EEPD1: variants seen among roughly 807,000 people sequenced by gnomAD.
EEPD1 encodes endonuclease/exonuclease/phosphatase family domain containing 1, also known as endonuclease/exonuclease/phosphatase family domain-containing protein 1.
Under a neutral mutation model 46.3 loss-of-function variants are expected in EEPD1, and 17 were observed. That is an observed-to-expected ratio of 0.37 (90% CI 0.25 to 0.55). The LOEUF (loss-of-function observed/expected upper bound fraction) is 0.55. EEPD1 is among the 20% of genes least tolerant of loss of function. EEPD1 has a pLI of 0.83. For synonymous variants in EEPD1, 313 were observed against 315.6 expected (o/e 0.99, Z 0.09); for missense variants, 673 against 745.6 (o/e 0.90, Z 1.13).
intron 3 of EEPD1, among the ~76,000 whole-genome samples, chr7:36,252,042 T>C (rs774876912): frequency 3.3e-5 from 5 of 152,234 alleles, no homozygotes; most frequent in Non-Finnish European, 5.9e-5. Context: ...GGAACCTGCA[T>C]CCACTGCCAT....
Position 36,186,184 on chromosome 7 carries a change from G to A in EEPD1, c.878+30982G>A, listed in dbSNP as rs545567798. 2.6e-4 allele frequency among the ~76,000 whole-genome samples: 40 copies of A among 152,246 alleles called. No homozygotes were observed. The South Asian group carries it at 8.1e-3, about 31-fold the overall frequency. ...CTTTGTTGGCACTCTGGCCCTCCCA[G>A]CACACCTCTCTGGGCCCACTCTCTG... On this transcript the variant is annotated intron_variant, in intron 2 of 7. Coordinates refer to ENST00000242108, the MANE Select transcript of EEPD1 (RefSeq NM_030636.3).
At chr7:36,169,349 C>T (rs996085878) in intron 2 of EEPD1, among the ~76,000 whole-genome samples, 1 of 152,158 alleles carries the variant, frequency 6.6e-6, no homozygotes, top group Non-Finnish European at 1.5e-5. Context: ...TACATTTCCA[C>T]CAGCAATGTA....
intron 5 of EEPD1, among the ~76,000 whole-genome samples, chr7:36,286,493 G>A (rs1393695953): frequency 6.6e-6 from 1 of 152,220 alleles, no homozygotes; most frequent in Non-Finnish European, 1.5e-5. Flanking sequence ...ACAAATGGAA[G>A]GGCAAGATTG....
rs1451543524 is a variant in EEPD1, at chr7:36,287,276, C to T, written c.1177-363C>T. Among the ~76,000 whole-genome samples, 3 of 134,386 alleles carry T rather than the reference C, an allele frequency of 2.2e-5. No homozygotes were observed. The East Asian group carries it at 7.1e-4, about 32-fold the overall frequency. 88.2% of individuals were successfully genotyped at this position (134,386 alleles called of 152,430 possible). ...AAAAAAAAAAAAAGTGCTGGAGTTA[C>T]AGGCATAAGCCACCATGCCTGGCCT... On this transcript the variant is annotated intron_variant, in intron 5 of 7. Transcript: ENST00000242108.
intron 2 of EEPD1, among the ~76,000 whole-genome samples, chr7:36,156,180 CG>C (rs887555040): frequency 2.0e-5 from 3 of 151,852 alleles, no homozygotes; most frequent in Non-Finnish European, 4.4e-5. Context: ...AGGCTGGCGG[CG>C]GGGGGGCAGC....
intron 2 of EEPD1, among the ~76,000 whole-genome samples, chr7:36,192,630 G>A (rs1266885814): frequency 3.9e-5 from 6 of 152,144 alleles, no homozygotes; most frequent in African/African-American, 1.4e-4. Flanking sequence ...TTTACCCGGC[G>A]AAGGCCTGTG....
chr7:36,245,014 C>T (rs570197917), intron 3 of EEPD1, among the ~76,000 whole-genome samples: 22 of 151,750 alleles, frequency 1.4e-4, no homozygotes, highest in African/African-American at 4.8e-4. Context: ...AGTATGATCT[C>T]GGCTCACTGC....
At chr7:36,199,626 C>T (rs1785678837) in intron 2 of EEPD1, among the ~76,000 whole-genome samples, 1 of 152,176 alleles carries the variant, frequency 6.6e-6, no homozygotes, top group Non-Finnish European at 1.5e-5. Flanking sequence ...TTCAGGAACC[C>T]TTTTCCCTCT....
intron 4 of EEPD1, among the ~76,000 whole-genome samples, chr7:36,283,439 C>A (rs1055166711): frequency 2.6e-5 from 4 of 152,114 alleles, no homozygotes; most frequent in African/African-American, 4.8e-5. Flanking sequence ...TCGAGTGATG[C>A]TTTAGGTAAG....
Position 36,154,755 on chromosome 7 carries a change from C to T in EEPD1, c.431C>T (p.Pro144Leu), listed in dbSNP as rs745385759. 6.2e-6 allele frequency: 10 copies of T among 1,613,974 alleles called. No homozygotes were observed. The highest frequency in any genetic ancestry group is 2.2e-5 in the East Asian group (1 of 44,894). ...CGTGTTAACATCAACACAGCCACCC[C>T]GGCCCAGCTCATGAGCGTGCGAGGC... ...TPRVNINTAT[P>L]AQLMSVRGLS... Residue 144 changes from proline to leucine, a missense_variant, in exon 2 of 8, where the codon CCG (proline) becomes CTG (leucine). By Grantham distance (98) the Pro-to-Leu change is moderately conservative (BLOSUM62 -3). Coordinates refer to ENST00000242108, the MANE Select transcript of EEPD1 (RefSeq NM_030636.3). This position sits in a 1 kb window ranked among gnomAD's most constrained non-coding sequence, Gnocchi z 4.2.
chr7:36,220,711 T>C (rs773759975), intron 2 of EEPD1, among the ~76,000 whole-genome samples: 2 of 152,228 alleles, frequency 1.3e-5, no homozygotes, highest in Non-Finnish European at 2.9e-5. Flanking sequence ...TCAGAGTGTG[T>C]CAGATGGTAT....
Position 36,166,209 on chromosome 7 carries a change from A to G in EEPD1, c.878+11007A>G, listed in dbSNP as rs1332704183. On this transcript the variant is annotated intron_variant, in intron 2 of 7. Coordinates refer to ENST00000242108, the MANE Select transcript of EEPD1 (RefSeq NM_030636.3). ...GCTGAACTCAGTTTAACGCCAGGCA[A>G]GACTGTTTGGAGTTGATTTGTAATT... 2.6e-5 allele frequency among the ~76,000 whole-genome samples: 4 copies of G among 152,326 alleles called. No homozygotes were observed. In the East Asian group the frequency reaches 7.7e-4, roughly 29 times the overall value.
chr7:36,250,948 A>G (rs979287689), intron 3 of EEPD1, among the ~76,000 whole-genome samples: 1 of 152,220 alleles, frequency 6.6e-6, no homozygotes, highest in Admixed American at 6.5e-5. Flanking sequence ...TAGTGAGGAA[A>G]TGAATCAACC....
intron 3 of EEPD1, among the ~76,000 whole-genome samples, chr7:36,252,850 T>C (rs1786772870): frequency 6.8e-6 from 1 of 147,220 alleles, no homozygotes; most frequent in South Asian, 2.2e-4. Context: ...TTTTTTTTTT[T>C]TTTTTTTTTG....
At chr7:36,275,020 A>G (rs185380057) in intron 3 of EEPD1, among the ~76,000 whole-genome samples, 99 of 152,326 alleles carry the variant, frequency 6.5e-4, no homozygotes, top group Non-Finnish European at 1.1e-3. Context: ...ATCCACCAAA[A>G]TAGATTGCGT....
At position 36,298,948 on chromosome 7, in the gene EEPD1, A is replaced by G; in HGVS notation, c.1511-59A>G. ...GTGACCCTCCACCTGCCAATCCAGG[A>G]CCTCCCGCACCCAACCCCCCATCCT... On this transcript the variant is annotated intron_variant, in intron 7 of 7. Coordinates refer to ENST00000242108, the MANE Select transcript of EEPD1 (RefSeq NM_030636.3). The G allele has an allele frequency of 1.9e-6, 3 of 1,577,550 alleles. No individual in the cohort carries two copies. The South Asian group carries it at 3.5e-5, about 19-fold the overall frequency.
intron 3 of EEPD1, among the ~76,000 whole-genome samples, chr7:36,274,890 T>C (rs1787161383): frequency 2.0e-5 from 3 of 152,216 alleles, no homozygotes; most frequent in South Asian, 4.1e-4. Context: ...TCATTTGCCC[T>C]GTGTCCTATT....
intron 2 of EEPD1, among the ~76,000 whole-genome samples, chr7:36,200,492 A>G (rs1785694817): frequency 6.6e-6 from 1 of 152,204 alleles, no homozygotes; most frequent in Non-Finnish European, 1.5e-5. Flanking sequence ...TTTCTCCTGC[A>G]TCACATTGCT....
At chr7:36,272,987 G>T (rs1458500923) in intron 3 of EEPD1, among the ~76,000 whole-genome samples, 1 of 152,220 alleles carries the variant, frequency 6.6e-6, no homozygotes, top group South Asian at 2.1e-4. Flanking sequence ...GAGGAAAGTT[G>T]ACCGATGTAC....
Sources: allele counts gnomAD v4.1 joint callset (sites outside exome capture counted in the v4.1 genomes callset), GRCh38; gene constraint gnomAD v4.1.1; non-coding constraint Gnocchi (gnomAD v3.1); transcripts MANE v1.5; gene names NCBI Gene and HGNC (gene_info 2026-07-23, HGNC 2026-07-21).